The following ITPRID1 variants were observed in gnomAD, a reference collection of about 807,000 sequenced individuals.
ITPRID1 encodes ITPR interacting domain containing 1.
Under a neutral mutation model 95.4 loss-of-function variants are expected in ITPRID1, and 96 were observed. The observed-to-expected ratio is 1.01, with a 90% CI of 0.85 to 1.19. The LOEUF is 1.19. Among genes scored for constraint, ITPRID1 ranks in the 50% most tolerant of loss-of-function variants. The pLI is 0.00. For missense variants in ITPRID1, 1,339 were observed against 1,252.9 expected, an observed-to-expected ratio of 1.07 and a Z score of -1.04; for synonymous variants, 510 against 453.6, an observed-to-expected ratio of 1.12 and a Z score of -1.58.
chr7:31,587,319 A>G (rs1785659247), intron 10 of ITPRID1, among the ~76,000 whole-genome samples: 1 of 152,176 alleles, frequency 6.6e-6, no homozygotes, highest in African/African-American at 2.4e-5. Context: ...GTGTACAAAA[A>G]TCACAAGCAT....
At chr7:31,598,781 A>G (rs1448951278) in intron 10 of ITPRID1, among the ~76,000 whole-genome samples, 1 of 152,174 alleles carries the variant, frequency 6.6e-6, no homozygotes, top group Admixed American at 6.5e-5. Context: ...TGAATATACA[A>G]TTTATAGAAA....
Position 31,643,737 on chromosome 7 carries a change from C to T in ITPRID1, c.2367C>T (p.Phe789=), listed in dbSNP as rs753861981. The change falls in exon 12 of 15, where the codon TTC becomes TTT. Residue 789 remains phenylalanine, a synonymous_variant. Transcript: ENST00000615280. The part of the protein sequence containing the change: ...LTKSVSLDSG[F]SSICPMGTCH... ...AATCCGTCTCTCTAGACTCAGGCTT[C>T]TCTAGTATCTGCCCAATGGGCACCT... 1.9e-6 allele frequency: 3 copies of T among 1,614,036 alleles called. No homozygotes were observed. Among genetic ancestry groups the T allele is most frequent in the South Asian group, 2.2e-5 (2 of 91,084 alleles).
intron 12 of ITPRID1, among the ~76,000 whole-genome samples, chr7:31,644,567 A>T (rs779999133): frequency 6.6e-6 from 1 of 152,176 alleles, no homozygotes; most frequent in Non-Finnish European, 1.5e-5. Context: ...CCCACGTCAA[A>T]TAGAGGGGCT....
Position 31,655,943 on chromosome 7 carries a change from A to T in ITPRID1, c.*3114A>T. On this transcript the variant is annotated 3_prime_UTR_variant, in exon 15 of 15. Coordinates refer to ENST00000615280, the MANE Select transcript of ITPRID1 (RefSeq NM_001257967.3). ...GCTTTACCAGTCTCATTTCCTGCTC[A>T]TCCCTCAGATGAATCTCCAATTCTA... 1 of 985,290 alleles carries T rather than the reference A, an allele frequency of 1.0e-6. No individual in the cohort carries two copies. The highest frequency in any genetic ancestry group is 1.2e-6 in the Non-Finnish European group (1 of 829,872). 61.0% of individuals were successfully genotyped at this position (985,290 alleles called of 1,614,324 possible).
At chr7:31,627,659 CAAAAAAAAA>C (rs3078462) in intron 10 of ITPRID1, among the ~76,000 whole-genome samples, 6 of 75,540 alleles carry the variant, frequency 7.9e-5, no homozygotes, top group Non-Finnish European at 1.2e-4. Context: ...GACACTGTCT[CAAAAAAAAA>C]AAAAAAAAAA....
Position 31,642,917 on chromosome 7 carries a change from A to G in ITPRID1, c.1547A>G (p.Glu516Gly), listed in dbSNP as rs1293815541. The G allele has an allele frequency of 1.2e-6, 2 of 1,614,040 alleles. No individual in the cohort carries two copies. The highest frequency in any genetic ancestry group is 1.7e-6 in the Non-Finnish European group (2 of 1,179,896). ...FLLEAMEGPP[E>G]LYIPDMACAK... ...CTTGAGGCCATGGAGGGGCCACCAG[A>G]GCTGTATATCCCAGACATGGCCTGT... is the stretch of plus-strand genomic sequence containing the variant. Residue 516 changes from glutamate to glycine, a missense_variant, in exon 12 of 15, where the codon GAG becomes GGG. Physicochemically the swap from Glu to Gly is moderately conservative, Grantham distance 98 (BLOSUM62 -2). Transcript: ENST00000615280.
At chr7:31,550,223 C>T (rs1380951791) in intron 2 of ITPRID1, among the ~76,000 whole-genome samples, 64 of 137,656 alleles carry the variant, frequency 4.6e-4, no homozygotes, top group African/African-American at 1.6e-3. Flanking sequence ...TTTGGTTAAA[C>T]GTGATACTAT....
At chr7:31,650,629 T>C (rs551447745) in intron 12 of ITPRID1, among the ~76,000 whole-genome samples, 1 of 152,270 alleles carries the variant, frequency 6.6e-6, no homozygotes, top group African/African-American at 2.4e-5. Flanking sequence ...ATCCTGCAGA[T>C]TCCAACCTCC....
chr7:31,595,229 G>A (rs1428814136), intron 10 of ITPRID1, among the ~76,000 whole-genome samples: 1 of 151,620 alleles, frequency 6.6e-6, no homozygotes, highest in Non-Finnish European at 1.5e-5. Context: ...ATTTTTAGTA[G>A]AGACAGGGTT....
intron 10 of ITPRID1, among the ~76,000 whole-genome samples, chr7:31,584,097 A>C (rs1172252156): frequency 6.6e-6 from 1 of 152,158 alleles, no homozygotes; most frequent in African/African-American, 2.4e-5. Context: ...TCCCCCATTC[A>C]GTTGTCACTG....
intron 11 of ITPRID1, 150 bp downstream of exon 11, chr7:31,642,408 C>A (rs895313179): frequency 5.3e-5 from 35 of 663,212 alleles, no homozygotes; most frequent in Non-Finnish European, 8.8e-5. Context: ...TGAGAAGGCA[C>A]AAGCCACCTG....
At chr7:31,548,416 T>C (rs148303228) in intron 1 of ITPRID1, among the ~76,000 whole-genome samples, 426 of 152,090 alleles carry the variant, frequency 2.8e-3, no homozygotes, top group African/African-American at 9.7e-3. Flanking sequence ...TAGAGGAAAT[T>C]TACACTATCT....
chr7:31,599,645 C>T (rs868418765), intron 10 of ITPRID1, among the ~76,000 whole-genome samples: 100 of 44,854 alleles, frequency 2.2e-3, no homozygotes, highest in African/African-American at 3.3e-3. Context: ...TTCTTTCTTT[C>T]TTTTTCTTTC....
chr7:31,606,437 G>T (rs530863148), intron 10 of ITPRID1, among the ~76,000 whole-genome samples: 12 of 136,638 alleles, frequency 8.8e-5, no homozygotes, highest in African/African-American at 3.3e-4. Context: ...TCTTCATAGT[G>T]AAGTGACACA....
chr7:31,521,578 C>T (rs1014086629), intron 1 of ITPRID1, among the ~76,000 whole-genome samples: 5 of 151,950 alleles, frequency 3.3e-5, no homozygotes, highest in South Asian at 4.2e-4. Context: ...GGAATGTGTC[C>T]GAGGAAAGTT....
At chr7:31,553,750 C>T (rs1784361582) in intron 3 of ITPRID1, among the ~76,000 whole-genome samples, 3 of 152,164 alleles carry the variant, frequency 2.0e-5, no homozygotes, top group Non-Finnish European at 4.4e-5. Context: ...TCACCTGACA[C>T]CTTGTGAGGG....
intron 9 of ITPRID1, 141 bp downstream of exon 9, chr7:31,578,575 T>TA (rs1334449808): frequency 3.2e-6 from 2 of 619,114 alleles, no homozygotes; most frequent in Non-Finnish European, 5.2e-6. Flanking sequence ...TTTAGTGATT[T>TA]AAAGTCATTC....
chr7:31,630,244 CAAAAA>C (rs71557496), intron 10 of ITPRID1, among the ~76,000 whole-genome samples: 6 of 103,718 alleles, frequency 5.8e-5, no homozygotes, highest in African/African-American at 1.5e-4. Context: ...GTCTACTTGG[CAAAAA>C]AAAAAAAAAA....
At position 31,577,914 on chromosome 7, in the gene ITPRID1, C is replaced by T. The variant is rs1273509931; in HGVS notation, c.650C>T (p.Ser217Phe). Reference sequence around the variant, plus strand: ...GACCATGTGACCAATGCCTTCTCATCTCTGCTGAGTGATGTCAGCATCCTG... The same window carrying T: ...GACCATGTGACCAATGCCTTCTCATTTCTGCTGAGTGATGTCAGCATCCTG... Reference protein sequence around the residue: ...ILDHVTNAFSSLLSDVSILPN... With the variant: ...ILDHVTNAFSFLLSDVSILPN... The change falls in exon 9 of 15, where the codon TCT becomes TTT. Residue 217 changes from serine (S) to phenylalanine (F), a missense_variant. By Grantham distance (155) the Ser-to-Phe change is radical. Coordinates refer to ENST00000615280, the MANE Select transcript of ITPRID1 (RefSeq NM_001257967.3). 1 of 1,613,192 alleles carries T rather than the reference C, an allele frequency of 6.2e-7. No individual in the cohort carries two copies. The highest frequency in any genetic ancestry group is 1.3e-5 in the African/African-American group (1 of 75,032).
Sources: gnomAD v4.1 joint callset for allele counts (sites outside exome capture counted in the v4.1 genomes callset) on GRCh38, gnomAD v4.1.1 for gene constraint, MANE v1.5 for transcripts, NCBI Gene and HGNC (gene_info 2026-07-23, HGNC 2026-07-21) for gene names.